TMEM132D: variants seen among roughly 807,000 people sequenced by gnomAD.
TMEM132D encodes mature OL transmembrane protein.
A neutral mutation model predicts 62.3 loss-of-function variants in TMEM132D; 21 were observed. The observed-to-expected ratio is 0.34, with a 90% CI of 0.24 to 0.49. The LOEUF (loss-of-function observed/expected upper bound fraction) is 0.49, where lower values mean the gene tolerates loss of function less well. Among genes scored for constraint, TMEM132D ranks in the 20% least tolerant of loss-of-function variants. The probability of loss-of-function intolerance (pLI) is 0.99; values close to 1 mark genes in which losing one functional copy is unlikely to be tolerated. For missense variants in TMEM132D, 1,346 were observed against 1,402.8 expected (o/e 0.96, Z 0.65); for synonymous variants, 621 against 575.6 (o/e 1.08, Z -1.13).
intron 1 of TMEM132D, among the ~76,000 whole-genome samples, chr12:129,871,414 C>G (rs76105774): frequency 0.013 from 1,979 of 152,120 alleles, 41 homozygotes; most frequent in African/African-American, 0.045. Flanking sequence ...ATATTTCACA[C>G]TGTGTGTGTC....
chr12:129,121,013 T>C (rs775468532), intron 5 of TMEM132D, among the ~76,000 whole-genome samples: 9 of 152,034 alleles, frequency 5.9e-5, no homozygotes, highest in Non-Finnish European at 1.3e-4. Flanking sequence ...ATATGCTAGG[T>C]AGGTTACATG....
intron 4 of TMEM132D, among the ~76,000 whole-genome samples, chr12:129,236,047 T>G (rs1879771475): frequency 6.6e-6 from 1 of 151,962 alleles, no homozygotes; most frequent in South Asian, 2.1e-4. Context: ...CAGTTCTCAG[T>G]GTACAGATTT....
chr12:129,645,772 AGT>A (rs1357581952), intron 2 of TMEM132D, among the ~76,000 whole-genome samples: 1 of 152,214 alleles, frequency 6.6e-6, no homozygotes, highest in Non-Finnish European at 1.5e-5. Context: ...ATGGTGACGG[AGT>A]GACCTCTGGT....
intron 4 of TMEM132D, among the ~76,000 whole-genome samples, chr12:129,222,468 A>G (rs10773621): frequency 0.32 from 49,139 of 151,984 alleles, 8,198 homozygotes; most frequent in Middle Eastern, 0.42. Flanking sequence ...TCTAAATAAT[A>G]TGCTATATTC....
chr12:129,847,080 A>G (rs1873386393), intron 1 of TMEM132D, among the ~76,000 whole-genome samples: 3 of 152,214 alleles, frequency 2.0e-5, no homozygotes, highest in Admixed American at 2.0e-4. Flanking sequence ...GAGTAAGAGG[A>G]GAGATTCTTA....
In TMEM132D at chr12:129,074,501, C is replaced by T. The variant is rs1157379956; in HGVS notation, c.2674G>A (p.Val892Met). ...PSDLTSFPAQ[V>M]DLPRSNGEMD... ...TCCCCATTGCTTCTGGGGAGGTCCA[C>T]CTGGGCTGGGAAGCTGGTGAGGTCG... Residue 892 changes from valine (V) to methionine (M), a missense_variant, in exon 9 of 9, where the codon GTG becomes ATG. Coordinates refer to ENST00000422113, the MANE Select transcript of TMEM132D (RefSeq NM_133448.3). The T allele has an allele frequency of 1.2e-6, 2 of 1,613,950 alleles. No homozygotes were observed. Among genetic ancestry groups the T allele is most frequent in the African/African-American group, 2.7e-5 (2 of 74,886 alleles).
chr12:129,176,910 C>A (rs137901182), intron 5 of TMEM132D, among the ~76,000 whole-genome samples: 2 of 152,168 alleles, frequency 1.3e-5, no homozygotes, highest in African/African-American at 4.8e-5. Flanking sequence ...ACAAATGCTG[C>A]GATTTGGGAA....
At chr12:129,601,881 T>C (rs1489962105) in intron 2 of TMEM132D, among the ~76,000 whole-genome samples, 1 of 152,040 alleles carries the variant, frequency 6.6e-6, no homozygotes, top group Non-Finnish European at 1.5e-5. Context: ...AGAGATGACA[T>C]GAGCTCATGC....
intron 3 of TMEM132D, among the ~76,000 whole-genome samples, chr12:129,529,063 A>G (rs1375211798): frequency 6.6e-6 from 1 of 152,170 alleles, no homozygotes; most frequent in African/African-American, 2.4e-5. Context: ...CATATAACAT[A>G]TTGTGTGTGT....
intron 3 of TMEM132D, among the ~76,000 whole-genome samples, chr12:129,513,971 G>A (rs553138400): frequency 7.9e-5 from 12 of 151,266 alleles, no homozygotes; most frequent in Admixed American, 4.6e-4. Flanking sequence ...CCGAGTAGCT[G>A]GGACTACAGG....
intron 1 of TMEM132D, among the ~76,000 whole-genome samples, chr12:129,881,376 T>C (rs775072891): frequency 2.6e-5 from 4 of 151,778 alleles, no homozygotes; most frequent in Non-Finnish European, 5.9e-5. Context: ...AGAGCACTCC[T>C]CACAACAGCA....
At chr12:129,688,497 G>A (rs76381581) in intron 2 of TMEM132D, among the ~76,000 whole-genome samples, 3,313 of 152,154 alleles carry the variant, frequency 0.022, 170 homozygotes, top group South Asian at 0.12. Flanking sequence ...CTCTCATGGT[G>A]CAAACACCTT....
intron 2 of TMEM132D, among the ~76,000 whole-genome samples, chr12:129,612,108 C>T (rs1324601635): frequency 1.3e-5 from 2 of 152,148 alleles, no homozygotes; most frequent in Admixed American, 6.5e-5. Flanking sequence ...CACTCATTTG[C>T]GAAAGGAGAG....
chr12:129,717,803 A>C (rs1868643796), intron 1 of TMEM132D, among the ~76,000 whole-genome samples: 1 of 152,112 alleles, frequency 6.6e-6, no homozygotes, highest in African/African-American at 2.4e-5. Context: ...GGATCCAAGA[A>C]CTCTAGCAAT....
chr12:129,649,615 A>T (rs893556604), intron 2 of TMEM132D, among the ~76,000 whole-genome samples: 1 of 152,206 alleles, frequency 6.6e-6, no homozygotes, highest in Non-Finnish European at 1.5e-5. Context: ...AAAATATTTT[A>T]AACATACAAT....
Position 129,507,154 on chromosome 12 carries a change from G to T in TMEM132D, c.1115+23905C>A, listed in dbSNP as rs551234571. Among the ~76,000 whole-genome samples, 489 of 152,154 alleles carry T rather than the reference G, an allele frequency of 3.2e-3. 2 individuals are homozygous for T. The highest frequency in any genetic ancestry group is 0.011 in the African/African-American group (461 of 41,502). ...GGGAAATGCAAATCAAAACCACAAT[G>T]TGATACCACCTTACTCCTACAATAA... On this transcript the variant is annotated intron_variant, in intron 3 of 8. Coordinates refer to ENST00000422113, the MANE Select transcript of TMEM132D (RefSeq NM_133448.3).
chr12:129,336,569 C>CAAAAAAAAA (rs1422495874), intron 4 of TMEM132D, among the ~76,000 whole-genome samples: 2 of 149,188 alleles, frequency 1.3e-5, no homozygotes, highest in African/African-American at 5.0e-5. Flanking sequence ...GGCACTCCGT[C>CAAAAAAAAA]AAAAAGAAAA....
At chr12:129,210,504 C>T (rs957635150) in intron 4 of TMEM132D, among the ~76,000 whole-genome samples, 2 of 152,170 alleles carry the variant, frequency 1.3e-5, no homozygotes, top group Non-Finnish European at 2.9e-5. Flanking sequence ...CTTCTTTCAT[C>T]GAGCAGCTCA....
At chr12:129,088,217 A>C (rs1268011788) in intron 5 of TMEM132D, among the ~76,000 whole-genome samples, 2 of 29,510 alleles carry the variant, frequency 6.8e-5, no homozygotes, top group Non-Finnish European at 5.4e-5. Context: ...GGTGTCCTCC[A>C]TGACCGGGTG....
Sources: gnomAD v4.1 joint callset for allele counts (sites outside exome capture counted in the v4.1 genomes callset) on GRCh38, gnomAD v4.1.1 for gene constraint, MANE v1.5 for transcripts, NCBI Gene and HGNC (gene_info 2026-07-23, HGNC 2026-07-21) for gene names.